The following ZNF438 variants were observed in gnomAD, a reference collection of about 807,000 sequenced individuals.
The protein encoded by ZNF438 is zinc finger protein 438.
A neutral mutation model predicts 38.0 loss-of-function variants in ZNF438; 25 were observed. The ratio of observed to expected loss-of-function variants is 0.66; its 90% CI spans 0.48 to 0.92. The LOEUF (loss-of-function observed/expected upper bound fraction) is 0.92, where lower values mean the gene tolerates loss of function less well. ZNF438 is among the 40% of genes least tolerant of loss of function. The probability of loss-of-function intolerance (pLI) is 0.00; values close to 1 mark genes in which losing one functional copy is unlikely to be tolerated. For missense variants in ZNF438, 1,007 were observed against 999.6 expected (o/e 1.01, Z -0.10); for synonymous variants, 372 against 364.1 (o/e 1.02, Z -0.25).
chr10:30,986,376 A>G (rs558750815), intron 1 of ZNF438, among the ~76,000 whole-genome samples: 211 of 152,220 alleles, frequency 1.4e-3, no homozygotes, highest in Non-Finnish European at 2.3e-3. Flanking sequence ...CACAGAAATC[A>G]TAAGCCTAAA....
intron 3 of ZNF438, among the ~76,000 whole-genome samples, chr10:30,903,081 C>T (rs1209550504): frequency 1.3e-5 from 2 of 152,200 alleles, no homozygotes; most frequent in South Asian, 2.1e-4. Context: ...GCCGGCCAGC[C>T]AGCCGCTCCC....
chr10:30,871,369 G>A (rs900672032), intron 4 of ZNF438, among the ~76,000 whole-genome samples: 2 of 152,056 alleles, frequency 1.3e-5, no homozygotes, highest in African/African-American at 4.8e-5. Flanking sequence ...AGGTGTGATT[G>A]ATTTATAAAA....
chr10:31,007,233 A>G (rs1211619240), intron 1 of ZNF438, among the ~76,000 whole-genome samples: 9 of 150,782 alleles, frequency 6.0e-5, no homozygotes, highest in Admixed American at 5.9e-4. Flanking sequence ...AGAATGTAAG[A>G]TAAGAAATTT....
chr10:30,946,945 A>T (rs1307750664), intron 1 of ZNF438, among the ~76,000 whole-genome samples: 1 of 152,210 alleles, frequency 6.6e-6, no homozygotes, highest in Non-Finnish European at 1.5e-5. Context: ...GCCACAACAT[A>T]ACTTCAAATA....
chr10:30,993,711 G>A (rs1205121394), intron 1 of ZNF438, among the ~76,000 whole-genome samples: 1 of 152,222 alleles, frequency 6.6e-6, no homozygotes, highest in Non-Finnish European at 1.5e-5. Flanking sequence ...GTGGGAGCAG[G>A]AATGCTGCTG....
At chr10:30,878,828 C>T (rs948989319) in intron 3 of ZNF438, among the ~76,000 whole-genome samples, 10 of 152,262 alleles carry the variant, frequency 6.6e-5, no homozygotes, top group East Asian at 3.9e-4. Context: ...CGCTTGCTCA[C>T]GTGCTCCCTC....
intron 1 of ZNF438, among the ~76,000 whole-genome samples, chr10:31,007,701 A>G (rs1424390457): frequency 6.6e-6 from 1 of 152,132 alleles, no homozygotes; most frequent in Non-Finnish European, 1.5e-5. Context: ...TAACATATAT[A>G]AAGTACCTAA....
intron 3 of ZNF438, among the ~76,000 whole-genome samples, chr10:30,890,003 A>G (rs2133988564): frequency 6.6e-6 from 1 of 152,156 alleles, no homozygotes; most frequent in East Asian, 1.9e-4. Flanking sequence ...AATTACTCAA[A>G]AAACAGCATA....
At chr10:30,956,588 C>A (rs2048889911) in intron 1 of ZNF438, among the ~76,000 whole-genome samples, 1 of 152,150 alleles carries the variant, frequency 6.6e-6, no homozygotes, top group Non-Finnish European at 1.5e-5. Flanking sequence ...CCAGTGGTAA[C>A]CACTATTCTA....
At chr10:31,000,217 T>G (rs1359030596) in intron 1 of ZNF438, among the ~76,000 whole-genome samples, 1 of 152,176 alleles carries the variant, frequency 6.6e-6, no homozygotes, top group Non-Finnish European at 1.5e-5. Context: ...TTCTCTGGTA[T>G]TCCCCATTTC....
At chr10:30,997,490 A>C (rs1298695804) in intron 1 of ZNF438, among the ~76,000 whole-genome samples, 1 of 152,228 alleles carries the variant, frequency 6.6e-6, no homozygotes, top group Non-Finnish European at 1.5e-5. Context: ...TTAAAGCTCT[A>C]GGCAAATAAA....
chr10:30,980,536 C>T (rs1239541878), intron 1 of ZNF438, among the ~76,000 whole-genome samples: 2 of 152,188 alleles, frequency 1.3e-5, no homozygotes, highest in East Asian at 3.9e-4. Context: ...GGGTATATCA[C>T]TTACCCAGGG....
Position 31,011,369 on chromosome 10 carries a change from C to T in ZNF438, c.-192+20464G>A, listed in dbSNP as rs566816725. On this transcript the variant is annotated intron_variant, in intron 1 of 5. Transcript: ENST00000413025. ...CCCTCGGTTTCCCCTGGCTGACACACTGGGCTTCCATCAAAGTTTTCTGCA... is the reference window on the plus strand; with the variant it reads ...CCCTCGGTTTCCCCTGGCTGACACATTGGGCTTCCATCAAAGTTTTCTGCA... Among the ~76,000 whole-genome samples the T allele has an allele frequency of 2.1e-4, 32 of 152,344 alleles. No homozygotes were observed. In the East Asian group the frequency reaches 3.9e-3, roughly 18 times the overall value.
chr10:30,904,666 C>T (rs1322577189), intron 3 of ZNF438, among the ~76,000 whole-genome samples: 2 of 152,192 alleles, frequency 1.3e-5, no homozygotes, highest in Admixed American at 1.3e-4. Context: ...ACGCACCCTG[C>T]ACTCCTCACC....
At chr10:30,994,889 A>G (rs2053888587) in intron 1 of ZNF438, among the ~76,000 whole-genome samples, 1 of 151,924 alleles carries the variant, frequency 6.6e-6, no homozygotes, top group Non-Finnish European at 1.5e-5. Flanking sequence ...AAAATTAACC[A>G]GGCAGGGTGA....
intron 4 of ZNF438, among the ~76,000 whole-genome samples, chr10:30,873,224 A>G (rs998475411): frequency 3.9e-5 from 6 of 152,214 alleles, no homozygotes; most frequent in Non-Finnish European, 8.8e-5. Context: ...TGATATAGAA[A>G]ATTGTAACAA....
chr10:30,961,748 T>A (rs1411914039), intron 1 of ZNF438, among the ~76,000 whole-genome samples: 2 of 145,092 alleles, frequency 1.4e-5, no homozygotes, highest in Non-Finnish European at 3.1e-5. Flanking sequence ...ATTGGCCGGG[T>A]GTGGTGGCGT....
At chr10:30,900,992 T>C (rs1305685055) in intron 3 of ZNF438, among the ~76,000 whole-genome samples, 1 of 152,250 alleles carries the variant, frequency 6.6e-6, no homozygotes, top group Non-Finnish European at 1.5e-5. Flanking sequence ...CAGTTCACTA[T>C]GATTTTCTCT....
At position 30,914,822 on chromosome 10, in the gene ZNF438, T is replaced by TA. The variant is rs368583257; in HGVS notation, c.-114-5808dup. 2.7e-3 allele frequency among the ~76,000 whole-genome samples: 405 copies of TA among 151,144 alleles called. 3 individuals are homozygous for TA. The highest frequency in any genetic ancestry group is 8.7e-3 in the African/African-American group (359 of 41,234). On this transcript the variant is annotated intron_variant, in intron 2 of 5. Coordinates refer to ENST00000413025, the Ensembl canonical transcript of ZNF438. ...TGTCTTGAGGTTGTAATGAACACAATAAAAAAAAATCAATATTTTTAAAAA... is the reference window on the plus strand; with the variant it reads ...TGTCTTGAGGTTGTAATGAACACAATAAAAAAAAAATCAATATTTTTAAAAA...
Sources: allele counts gnomAD v4.1 joint callset (sites outside exome capture counted in the v4.1 genomes callset), GRCh38; gene constraint gnomAD v4.1.1; transcripts MANE v1.5; gene names NCBI Gene and HGNC (gene_info 2026-07-23, HGNC 2026-07-21).